The following RGS9 variants were observed in gnomAD, a reference collection of about 807,000 sequenced individuals.
RGS9 encodes the protein regulator of G protein signaling 9.
RGS9 carries 78 observed loss-of-function variants against 102.0 expected under a neutral mutation model. The observed-to-expected ratio is 0.76, with a 90% CI of 0.64 to 0.92. The LOEUF is 0.92. Ranked by LOEUF, RGS9 falls within the 40% of genes least tolerant of loss-of-function variation. The pLI is 0.00. For missense variants in RGS9, 833 were observed against 866.1 expected (o/e 0.96, Z 0.48); for synonymous variants, 353 against 318.6 (o/e 1.11, Z -1.15).
intron 2 of RGS9, among the ~76,000 whole-genome samples, chr17:65,154,734 G>T (rs926874499): frequency 2.6e-5 from 4 of 152,154 alleles, no homozygotes; most frequent in African/African-American, 4.8e-5. Context: ...TGGTTAATGT[G>T]TTACCTGTTT....
intron 15 of RGS9, 102 bp downstream of exon 15, chr17:65,204,403 A>G: frequency 7.1e-7 from 1 of 1,407,220 alleles, no homozygotes; most frequent in Non-Finnish European, 9.8e-7. Flanking sequence ...GGATACGTGG[A>G]TAGAGCTTTG....
In RGS9 at chr17:65,204,131, T is replaced by C. The variant is rs1371994806; in HGVS notation, c.1065-32T>C. 7 of 1,611,808 alleles carry C rather than the reference T, an allele frequency of 4.3e-6. No homozygotes were observed. In the Admixed American group the frequency reaches 1.0e-4, roughly 23 times the overall value. On this transcript the variant is annotated intron_variant, in intron 14 of 18. Transcript: ENST00000262406. ...CTATCCATGAATTGACTTGGTTTAG[T>C]TACTTTTGCTAACATCTCCCTCCCA...
Position 65,147,739 on chromosome 17 carries a change from C to T in RGS9, c.58-5683C>T, listed in dbSNP as rs371776905. ...CTGAGTAGCTGGGATTACAAGCATG[C>T]GCCATCACACCCAGCTAATTTTTGT... On this transcript the variant is annotated intron_variant, in intron 1 of 18. Transcript: ENST00000262406. Among the ~76,000 whole-genome samples, 16 of 151,632 alleles carry T rather than the reference C, an allele frequency of 1.1e-4. No individual in the cohort carries two copies. The East Asian group carries it at 2.9e-3, about 27-fold the overall frequency.
intron 9 of RGS9, among the ~76,000 whole-genome samples, chr17:65,182,361 C>T (rs4791226): frequency 0.059 from 9,016 of 152,270 alleles, 785 homozygotes; most frequent in East Asian, 0.29. Flanking sequence ...CCCTTTGTAA[C>T]GGCTCAGCTA....
rs193159409 is a variant in RGS9, at chr17:65,156,778, T to C, written c.155-1517T>C. Among the ~76,000 whole-genome samples, 8 of 152,292 alleles carry C rather than the reference T, an allele frequency of 5.3e-5. No individual in the cohort carries two copies. The East Asian group carries it at 1.2e-3, about 22-fold the overall frequency. On this transcript the variant is annotated intron_variant, in intron 2 of 18. Transcript: ENST00000262406. ...GTCTCTCTGCCTGCGCACCACTGTG[T>C]AGCATTTAAAGAGAGAGACTTGGTG...
At chr17:65,150,152 G>A (rs1018220624) in intron 1 of RGS9, among the ~76,000 whole-genome samples, 4 of 152,188 alleles carry the variant, frequency 2.6e-5, no homozygotes, top group African/African-American at 4.8e-5. Context: ...CCAGCTGCAC[G>A]CAGCAGCCCA....
At chr17:65,207,824 A>T (rs1913126503) in intron 15 of RGS9, 98 bp from the exon 16 acceptor site, 1 of 831,210 alleles carries the variant, frequency 1.2e-6, no homozygotes, top group Non-Finnish European at 2.0e-6. Context: ...TAACTTTTCC[A>T]TTCTACTGCC....
intron 8 of RGS9, among the ~76,000 whole-genome samples, chr17:65,168,959 A>G (rs1877822): frequency 0.36 from 54,864 of 152,050 alleles, 13,669 homozygotes; most frequent in African/African-American, 0.68. Context: ...TAACTCTGCT[A>G]CCTCAGTTTC....
At position 65,158,299 on chromosome 17, in the gene RGS9, T is replaced by G; in HGVS notation, c.159T>G (p.Ser53Arg). Residue 53 changes from serine to arginine, a missense_variant, in exon 3 of 19, where the codon AGT becomes AGG. By Grantham distance (110) the Ser-to-Arg change is moderately radical. Transcript: ENST00000262406. ...CAAATGTCTCTTGTTTTTCAGGAAG[T>G]GATGTTCTGCAATGGATCGTCCAGC... ...VTSVPHAMTGSDVLQWIVQRL... is the reference protein window; with the variant it reads ...VTSVPHAMTGRDVLQWIVQRL... The G allele has an allele frequency of 5.6e-6, 9 of 1,614,070 alleles. No individual in the cohort carries two copies. The highest frequency in any genetic ancestry group is 6.8e-6 in the Non-Finnish European group (8 of 1,180,004).
chr17:65,200,702 G>A (rs1912797694), intron 13 of RGS9, among the ~76,000 whole-genome samples: 1 of 152,098 alleles, frequency 6.6e-6, no homozygotes, highest in Non-Finnish European at 1.5e-5. Flanking sequence ...AAAAAATGCA[G>A]TTGACCCTTG....
At chr17:65,170,788 C>T (rs562763809) in intron 8 of RGS9, among the ~76,000 whole-genome samples, 1 of 152,328 alleles carries the variant, frequency 6.6e-6, no homozygotes, top group Admixed American at 6.5e-5. Flanking sequence ...CATCTAACCT[C>T]TTTCATGGCT....
In RGS9 at chr17:65,137,552, A is replaced by T; in HGVS notation, c.12A>T (p.Arg4=). The T allele has an allele frequency of 6.2e-7, 1 of 1,612,522 alleles. No individual in the cohort carries two copies. The highest frequency in any genetic ancestry group is 8.5e-7 in the Non-Finnish European group (1 of 1,179,990). The change falls in exon 1 of 19, where the codon CGA becomes CGT. Residue 4 remains arginine (R), a synonymous_variant. Coordinates refer to ENST00000262406, the MANE Select transcript of RGS9 (RefSeq NM_003835.4). The part of the protein sequence containing the change: MTI[R]HQGQQYRPRM... ...ATCCAGGGGCCAGGATGACAATCCG[A>T]CACCAAGGCCAGCAGTACAGGCCGA...
Position 65,194,580 on chromosome 17 carries a change from CT to C in RGS9, c.860+932del, listed in dbSNP as rs149283172. Among the ~76,000 whole-genome samples, 149 of 152,054 alleles carry C rather than the reference CT, an allele frequency of 9.8e-4. 1 individual carries two copies. The highest frequency in any genetic ancestry group is 9.4e-3 in the Admixed American group (144 of 15,268). Reference sequence around the variant, plus strand: ...ACCTGCCCTTTCCCTTACCCTTTGGCTTTTTTTTGTCAGTTTTGAATAGTCA... The same window carrying C: ...ACCTGCCCTTTCCCTTACCCTTTGGCTTTTTTTGTCAGTTTTGAATAGTCA... On this transcript the variant is annotated intron_variant, in intron 12 of 18. Coordinates refer to ENST00000262406, the MANE Select transcript of RGS9 (RefSeq NM_003835.4).
At chr17:65,172,749 G>A (rs769969571) in intron 8 of RGS9, among the ~76,000 whole-genome samples, 5 of 151,948 alleles carry the variant, frequency 3.3e-5, no homozygotes, top group African/African-American at 4.8e-5. Context: ...AGAATGCCAT[G>A]GCAGCTGGTA....
At chr17:65,146,349 G>A (rs977976268) in intron 1 of RGS9, among the ~76,000 whole-genome samples, 63 of 152,276 alleles carry the variant, frequency 4.1e-4, no homozygotes, top group African/African-American at 1.3e-3. Flanking sequence ...CAGCACTTTG[G>A]GAGGCCAAGG....
rs1277135388 is a variant in RGS9 at position 65,173,637 on chromosome 17, C to T, written c.583-4095C>T. ...CTCTGAAGGCTTCCTGCATGAGGCACCAGGGCAGAAAGTGCCTGCTGCCTC... is the reference window on the plus strand; with the variant it reads ...CTCTGAAGGCTTCCTGCATGAGGCATCAGGGCAGAAAGTGCCTGCTGCCTC... On this transcript the variant is annotated intron_variant, in intron 8 of 18. Coordinates refer to ENST00000262406, the MANE Select transcript of RGS9 (RefSeq NM_003835.4). The surrounding 1 kb of genome is among the most constrained non-coding windows in gnomAD (Gnocchi z 4.8). Among the ~76,000 whole-genome samples, 1 of 152,220 alleles carries T rather than the reference C, an allele frequency of 6.6e-6. No individual in the cohort carries two copies. The highest frequency in any genetic ancestry group is 1.5e-5 in the Non-Finnish European group (1 of 68,042).
At chr17:65,178,484 T>G (rs781467652) in intron 9 of RGS9, among the ~76,000 whole-genome samples, 11 of 119,656 alleles carry the variant, frequency 9.2e-5, no homozygotes, top group Non-Finnish European at 2.0e-4. Context: ...TTTTTCCTAT[T>G]TATTTATTTA....
At chr17:65,139,117 A>AG (rs1910047491) in intron 1 of RGS9, among the ~76,000 whole-genome samples, 1 of 3,846 alleles carries the variant, frequency 2.6e-4, no homozygotes, top group African/African-American at 1.4e-3. Flanking sequence ...CCTCCACCCC[A>AG]CCTTTCCCTC....
intron 12 of RGS9, among the ~76,000 whole-genome samples, chr17:65,194,514 T>C (rs932100491): frequency 7.2e-5 from 11 of 152,234 alleles, no homozygotes; most frequent in African/African-American, 2.7e-4. Context: ...GTTTGATATC[T>C]AATTAGCGTA....
Sources: gnomAD v4.1 joint callset for allele counts (sites outside exome capture counted in the v4.1 genomes callset) on GRCh38, gnomAD v4.1.1 for gene constraint, Gnocchi (gnomAD v3.1) non-coding constraint, MANE v1.5 for transcripts, NCBI Gene and HGNC (gene_info 2026-07-23, HGNC 2026-07-21) for gene names.